NDUFV2: variants seen among roughly 807,000 people sequenced by gnomAD.
The protein encoded by NDUFV2 is NADH:ubiquinone oxidoreductase core subunit V2, also known as NADH dehydrogenase [ubiquinone] flavoprotein 2, mitochondrial.
A neutral mutation model predicts 31.6 loss-of-function variants in NDUFV2; 18 were observed. The observed-to-expected ratio is 0.57, with a 90% CI of 0.39 to 0.84. The LOEUF is 0.84. Ranked by LOEUF, NDUFV2 falls within the 40% of genes least tolerant of loss-of-function variation. The probability of loss-of-function intolerance (pLI) is 0.00; values close to 1 mark genes in which losing one functional copy is unlikely to be tolerated. For missense variants in NDUFV2, 314 were observed against 303.6 expected (o/e 1.03, Z -0.26); for synonymous variants, 83 against 99.8 (o/e 0.83, Z 1.01).
At chr18:9,108,856 A>G (rs2077855268) in intron 1 of NDUFV2, among the ~76,000 whole-genome samples, 1 of 151,954 alleles carries the variant, frequency 6.6e-6, no homozygotes, top group African/African-American at 2.4e-5. Context: ...ACACCCGGCT[A>G]ATTTTTGTAC....
chr18:9,109,097 G>A (rs2077856837), intron 1 of NDUFV2, among the ~76,000 whole-genome samples: 1 of 152,176 alleles, frequency 6.6e-6, no homozygotes, highest in African/African-American at 2.4e-5. Context: ...CAATAGGGGA[G>A]GCTGTAGGTA....
At chr18:9,117,038 CTTTTTT>C (rs11348180) in intron 1 of NDUFV2, among the ~76,000 whole-genome samples, 2 of 143,684 alleles carry the variant, frequency 1.4e-5, no homozygotes, top group African/African-American at 5.1e-5. Context: ...TCTGAAACTA[CTTTTTT>C]TTTTTTTTTT....
intron 2 of NDUFV2, 117 bp from the exon 3 acceptor site, chr18:9,119,209 T>C (rs1353725321): frequency 1.2e-6 from 1 of 800,312 alleles, no homozygotes; most frequent in Non-Finnish European, 2.2e-6. Context: ...GGGTGGTATA[T>C]ATCATGTTGG....
chr18:9,122,641 A>C lies in NDUFV2; in HGVS notation c.429A>C (p.Arg143=), dbSNP rs968871773. The C allele has an allele frequency of 6.2e-7, 1 of 1,613,888 alleles. No homozygotes were observed. The highest frequency in any genetic ancestry group is 8.5e-7 in the Non-Finnish European group (1 of 1,179,922). Residue 143 remains arginine, a synonymous_variant, in exon 5 of 8, where the codon CGA becomes CGC. Transcript: ENST00000318388. ...QVCTTTPCML[R]NSDSILEAIQ... ...GCACTACTACACCCTGCATGCTTCG[A>C]AACTCTGACAGCATACTGGAGGCCA...
At chr18:9,114,398 A>G (rs141091542) in intron 1 of NDUFV2, among the ~76,000 whole-genome samples, 1 of 151,722 alleles carries the variant, frequency 6.6e-6, no homozygotes, top group African/African-American at 2.4e-5. Context: ...AACTAACAGC[A>G]CAATTTTTTA....
At chr18:9,123,676 G>A (rs1373280928) in intron 5 of NDUFV2, among the ~76,000 whole-genome samples, 1 of 152,228 alleles carries the variant, frequency 6.6e-6, no homozygotes, top group South Asian at 2.1e-4. Flanking sequence ...TTTTTGTAGA[G>A]AGGGGTCTTG....
chr18:9,102,827 G>C, intron 1 of NDUFV2, 30 bp downstream of exon 1: 6 of 1,539,026 alleles, frequency 3.9e-6, no homozygotes, highest in Non-Finnish European at 5.3e-6. Context: ...GCCCGGCGCT[G>C]CCGCCGCCCT....
intron 1 of NDUFV2, among the ~76,000 whole-genome samples, chr18:9,113,171 T>C (rs1410974833): frequency 6.6e-6 from 1 of 152,236 alleles, no homozygotes; most frequent in Non-Finnish European, 1.5e-5. Context: ...TTAATGCTTC[T>C]TGAGAGCATT....
intron 1 of NDUFV2, chr18:9,103,914 C>G (rs2077827939): frequency 2.2e-6 from 1 of 448,988 alleles, no homozygotes; most frequent in East Asian, 3.7e-5. Flanking sequence ...CATTCCACAT[C>G]TCATTTTTGA....
intron 5 of NDUFV2, among the ~76,000 whole-genome samples, chr18:9,124,195 T>G (rs1011944609): frequency 7.1e-5 from 10 of 141,170 alleles, no homozygotes; most frequent in African/African-American, 1.3e-4. Flanking sequence ...TTTTTTTTTG[T>G]TTTTTTTTTT....
intron 1 of NDUFV2, among the ~76,000 whole-genome samples, chr18:9,115,187 G>A (rs573632154): frequency 2.0e-5 from 3 of 152,262 alleles, no homozygotes; most frequent in Non-Finnish European, 2.9e-5. Context: ...TATAAAAAAT[G>A]TAAAATAAGA....
intron 1 of NDUFV2, among the ~76,000 whole-genome samples, chr18:9,109,080 G>GAGCGCC (rs2077856696): frequency 6.6e-6 from 1 of 152,136 alleles, no homozygotes; most frequent in African/African-American, 2.4e-5. Context: ...TTTCTTGCTT[G>GAGCGCC]AGCTGGCAAT....
At chr18:9,111,671 C>A (rs748418093) in intron 1 of NDUFV2, among the ~76,000 whole-genome samples, 3 of 151,852 alleles carry the variant, frequency 2.0e-5, no homozygotes, top group Non-Finnish European at 2.9e-5. Flanking sequence ...TCAGGTGATC[C>A]GTCCGCCTCA....
At chr18:9,113,724 T>G (rs2077883105) in intron 1 of NDUFV2, among the ~76,000 whole-genome samples, 2 of 152,340 alleles carry the variant, frequency 1.3e-5, no homozygotes, top group South Asian at 2.1e-4. Flanking sequence ...AGAAAAGCAC[T>G]GTGAAAATCC....
intron 1 of NDUFV2, among the ~76,000 whole-genome samples, chr18:9,111,547 G>C (rs913192458): frequency 1.8e-4 from 27 of 151,712 alleles, no homozygotes; most frequent in Non-Finnish European, 3.8e-4. Flanking sequence ...TCCTGCCTCA[G>C]CCTCCTGGTT....
intron 1 of NDUFV2, among the ~76,000 whole-genome samples, chr18:9,114,570 TAAG>T (rs912869436): frequency 4.0e-5 from 6 of 151,646 alleles, no homozygotes; most frequent in African/African-American, 1.5e-4. Flanking sequence ...AATAGTCCAA[TAAG>T]AAGATAACCC....
At chr18:9,103,666 C>G (rs2077826374) in intron 1 of NDUFV2, 1 of 155,116 alleles carries the variant, frequency 6.4e-6, no homozygotes, top group South Asian at 2.0e-4. Context: ...GAGTTAGACT[C>G]GAGTTTGGAT....
chr18:9,106,906 C>CT (rs2077844549), intron 1 of NDUFV2, among the ~76,000 whole-genome samples: 1 of 61,938 alleles, frequency 1.6e-5, no homozygotes, highest in Non-Finnish European at 4.5e-5. Flanking sequence ...CACATCACTT[C>CT]GACCCTCCTG....
intron 1 of NDUFV2, among the ~76,000 whole-genome samples, chr18:9,109,196 A>G (rs749588127): frequency 4.6e-5 from 7 of 152,170 alleles, no homozygotes; most frequent in Admixed American, 3.3e-4. Context: ...TCATGTGTGC[A>G]CTGTGACTCT....
Sources: allele counts gnomAD v4.1 joint callset (sites outside exome capture counted in the v4.1 genomes callset), GRCh38; gene constraint gnomAD v4.1.1; transcripts MANE v1.5; gene names NCBI Gene and HGNC (gene_info 2026-07-23, HGNC 2026-07-21).